The following RSRC1 variants were observed in gnomAD, a reference collection of about 807,000 sequenced individuals.
RSRC1 encodes the protein serine/Arginine-related protein 53.
A neutral mutation model predicts 49.1 loss-of-function variants in RSRC1; 39 were observed. That is an observed-to-expected ratio of 0.79 (90% CI 0.61 to 1.04). The LOEUF is 1.04. Among genes scored for constraint, RSRC1 ranks in the 50% least tolerant of loss-of-function variants. The probability of loss-of-function intolerance (pLI) is 0.00; values close to 1 mark genes in which losing one functional copy is unlikely to be tolerated. For synonymous variants in RSRC1, 143 were observed against 130.8 expected (o/e 1.09, Z -0.63); for missense variants, 388 against 402.4 (o/e 0.96, Z 0.31).
At chr3:158,489,393 G>A (rs968331640) in intron 7 of RSRC1, among the ~76,000 whole-genome samples, 3 of 152,134 alleles carry the variant, frequency 2.0e-5, no homozygotes, top group Non-Finnish European at 2.9e-5. Context: ...TCAACCACCT[G>A]GTGTGGAATC....
At chr3:158,238,356 GA>G (rs930596171) in intron 4 of RSRC1, among the ~76,000 whole-genome samples, 4 of 151,902 alleles carry the variant, frequency 2.6e-5, no homozygotes, top group African/African-American at 4.8e-5. Context: ...CACAGAATTG[GA>G]AAAAACTACT....
At chr3:158,161,541 C>T (rs533963915) in intron 3 of RSRC1, among the ~76,000 whole-genome samples, 11 of 152,080 alleles carry the variant, frequency 7.2e-5, no homozygotes, top group East Asian at 1.9e-4. Context: ...GCAGGTGGAT[C>T]GTTTGAGGTC....
In RSRC1 at chr3:158,231,137, C is replaced by CTTTT. The variant is rs35368661; in HGVS notation, c.494+27914_494+27917dup. On this transcript the variant is annotated intron_variant, in intron 4 of 9. Coordinates refer to ENST00000611884, the MANE Select transcript of RSRC1 (RefSeq NM_001271838.2). ...GAGATGAAGAATAACTAGTCGTTAG[C>CTTTT]TTTTTTTTTTTTTTTTTTTTTTTTT... is the stretch of plus-strand genomic sequence containing the variant. Among the ~76,000 whole-genome samples the CTTTT allele has an allele frequency of 1.8e-3, 119 of 67,960 alleles. 2 individuals are homozygous for CTTTT. The highest frequency in any genetic ancestry group is 2.4e-3 in the Non-Finnish European group (94 of 39,872). The allele number at this position is 67,960 out of a possible 152,430, so 44.6% of individuals were successfully genotyped here. A position where few individuals can be genotyped will look rare whatever the true frequency, so the allele number is the denominator to read the frequency against.
At chr3:158,167,167 A>G (rs555665234) in intron 3 of RSRC1, among the ~76,000 whole-genome samples, 70 of 152,006 alleles carry the variant, frequency 4.6e-4, no homozygotes, top group Non-Finnish European at 8.4e-4. Flanking sequence ...TTGTGGTGGT[A>G]TATTTTCTTC....
chr3:158,164,430 T>A (rs1270982457), intron 3 of RSRC1, among the ~76,000 whole-genome samples: 1 of 152,038 alleles, frequency 6.6e-6, no homozygotes, highest in Non-Finnish European at 1.5e-5. Flanking sequence ...TTTTTGTGCT[T>A]CCAAACTATG....
At chr3:158,111,681 C>G (rs893764733) in intron 1 of RSRC1, among the ~76,000 whole-genome samples, 1 of 152,114 alleles carries the variant, frequency 6.6e-6, no homozygotes, top group African/African-American at 2.4e-5. Context: ...GGTGGATTTC[C>G]CATTGAAATA....
chr3:158,307,556 C>G lies in RSRC1; in HGVS notation c.531+9481C>G, dbSNP rs574248531. Among the ~76,000 whole-genome samples, 3 of 151,732 alleles carry G rather than the reference C, an allele frequency of 2.0e-5. No individual in the cohort carries two copies. In the East Asian group the frequency reaches 5.8e-4, roughly 29 times the overall value. On this transcript the variant is annotated intron_variant, in intron 5 of 9. Transcript: ENST00000611884. ...GGACCGTATTAATATTACATTTACT[C>G]TAAATATTTTAGCAATATTTATACC...
At chr3:158,327,214 T>G (rs1379491403) in intron 5 of RSRC1, among the ~76,000 whole-genome samples, 1 of 144,428 alleles carries the variant, frequency 6.9e-6, no homozygotes, top group Non-Finnish European at 1.5e-5. Flanking sequence ...TTTGAAGGGT[T>G]TTTTGTGTCT....
chr3:158,408,848 A>G (rs1271103516), intron 6 of RSRC1, among the ~76,000 whole-genome samples: 2 of 152,036 alleles, frequency 1.3e-5, no homozygotes, highest in Non-Finnish European at 2.9e-5. Context: ...CCTGGCCAAC[A>G]TGGTGAGACC....
intron 4 of RSRC1, among the ~76,000 whole-genome samples, chr3:158,280,780 G>T (rs1386090726): frequency 6.6e-6 from 1 of 151,582 alleles, no homozygotes; most frequent in East Asian, 1.9e-4. Context: ...CTGAGTAGCT[G>T]GGACTACAGG....
At chr3:158,219,019 G>A (rs1165166756) in intron 4 of RSRC1, among the ~76,000 whole-genome samples, 1 of 151,582 alleles carries the variant, frequency 6.6e-6, no homozygotes, top group Non-Finnish European at 1.5e-5. Context: ...TATACTAGGG[G>A]AGCATATTGA....
At chr3:158,420,129 G>T (rs191948047) in intron 6 of RSRC1, among the ~76,000 whole-genome samples, 2 of 151,998 alleles carry the variant, frequency 1.3e-5, no homozygotes, top group East Asian at 3.9e-4. Context: ...TCACATTTTG[G>T]CAGGTGTGCT....
rs566341711 is a variant in RSRC1, at chr3:158,251,291, G to A, written c.495-46748G>A. On this transcript the variant is annotated intron_variant, in intron 4 of 9. Coordinates refer to ENST00000611884, the MANE Select transcript of RSRC1 (RefSeq NM_001271838.2). ...TGTTCTTTTTATTCAGGATGGCTTT[G>A]GGTGTTCTGGATCTTTTGTGGTTTT... 1.1e-4 allele frequency among the ~76,000 whole-genome samples: 16 copies of A among 152,110 alleles called. No homozygotes were observed. The East Asian group carries it at 3.1e-3, about 29-fold the overall frequency.
chr3:158,166,739 A>G (rs1047485414), intron 3 of RSRC1, among the ~76,000 whole-genome samples: 8 of 152,212 alleles, frequency 5.3e-5, no homozygotes, highest in Non-Finnish European at 1.0e-4. Context: ...TTAGAAACAA[A>G]TGGATTGAAC....
At chr3:158,419,217 T>C (rs1167624779) in intron 6 of RSRC1, among the ~76,000 whole-genome samples, 2 of 152,048 alleles carry the variant, frequency 1.3e-5, no homozygotes, top group Non-Finnish European at 2.9e-5. Flanking sequence ...ATACTTCACA[T>C]GTAGACTTCC....
rs79345545 is a variant in RSRC1 at position 158,530,978 on chromosome 3, G to C, written c.653-6114G>C. 9.8e-3 allele frequency among the ~76,000 whole-genome samples: 1,306 copies of C among 133,830 alleles called. 10 individuals carry two copies. Among genetic ancestry groups the C allele is most frequent in the Non-Finnish European group, 0.017 (1,032 of 61,988 alleles). The allele number at this position is 133,830 out of a possible 152,430, so 87.8% of individuals were successfully genotyped here. On this transcript the variant is annotated intron_variant, in intron 7 of 9. Coordinates refer to ENST00000611884, the MANE Select transcript of RSRC1 (RefSeq NM_001271838.2). ...CACTGAAAGACATTTAATTTTTTAA[G>C]TTACAAAAACTTTTTATAATTTGAC...
rs530515378 is a variant in RSRC1, at chr3:158,229,033, T to C, written c.494+25788T>C. Among the ~76,000 whole-genome samples, 69 of 94,736 alleles carry C rather than the reference T, an allele frequency of 7.3e-4. 8 individuals carry two copies. In the East Asian group the frequency reaches 0.027, roughly 37 times the overall value. 62.2% of individuals were successfully genotyped at this position (94,736 alleles called of 152,430 possible). ...ATAAACACACATACGTGTATATGTG[T>C]GTATAAACACACATACGTGTATATG... On this transcript the variant is annotated intron_variant, in intron 4 of 9. Transcript: ENST00000611884.
At chr3:158,425,121 G>C (rs1473061503) in intron 6 of RSRC1, among the ~76,000 whole-genome samples, 2 of 151,700 alleles carry the variant, frequency 1.3e-5, no homozygotes, top group South Asian at 4.2e-4. Flanking sequence ...CCTTCTGCTA[G>C]CTTTTGAATG....
intron 7 of RSRC1, among the ~76,000 whole-genome samples, chr3:158,464,114 T>G (rs1737756125): frequency 6.6e-6 from 1 of 152,172 alleles, no homozygotes; most frequent in African/African-American, 2.4e-5. Context: ...TAATAAATAA[T>G]TGACTTACTC....
Sources: allele counts gnomAD v4.1 joint callset (sites outside exome capture counted in the v4.1 genomes callset), GRCh38; gene constraint gnomAD v4.1.1; transcripts MANE v1.5; gene names NCBI Gene and HGNC (gene_info 2026-07-23, HGNC 2026-07-21).